The following GALNT11 variants were observed in gnomAD, a reference collection of about 807,000 sequenced individuals.
GALNT11 encodes UDP-GalNAc:polypeptide N-acetylgalactosaminyltransferase 11.
GALNT11 carries 47 observed loss-of-function variants against 72.7 expected under a neutral mutation model. The ratio of observed to expected loss-of-function variants is 0.65; its 90% CI spans 0.51 to 0.82. GALNT11 has a LOEUF of 0.82. Among genes scored for constraint, GALNT11 ranks in the 40% least tolerant of loss-of-function variants. GALNT11 has a pLI of 0.00. For synonymous variants in GALNT11, 270 were observed against 286.6 expected (o/e 0.94, Z 0.58); for missense variants, 677 against 778.4 (o/e 0.87, Z 1.55).
intron 1 of GALNT11, among the ~76,000 whole-genome samples, chr7:152,058,463 A>G (rs2083815765): frequency 6.6e-6 from 1 of 151,978 alleles, no homozygotes. Flanking sequence ...CCTCCCGAGT[A>G]GCTGGGACTA....
chr7:152,083,414 A>T (rs1210913257), intron 1 of GALNT11, among the ~76,000 whole-genome samples: 1 of 152,066 alleles, frequency 6.6e-6, no homozygotes, highest in Non-Finnish European at 1.5e-5. Flanking sequence ...AAAGTCATTC[A>T]TTTCCTCTCA....
At chr7:152,042,330 G>C (rs1028965281) in intron 1 of GALNT11, among the ~76,000 whole-genome samples, 1 of 151,268 alleles carries the variant, frequency 6.6e-6, no homozygotes, top group African/African-American at 2.5e-5. Flanking sequence ...TGAATTAATG[G>C]CTCTTAAGTC....
At chr7:152,056,016 G>A (rs767560231) in intron 1 of GALNT11, among the ~76,000 whole-genome samples, 11 of 150,974 alleles carry the variant, frequency 7.3e-5, no homozygotes, top group African/African-American at 2.4e-4. Flanking sequence ...TCCTCAGTTC[G>A]TGGCAATCAC....
At chr7:152,050,995 G>A (rs936779454) in intron 1 of GALNT11, among the ~76,000 whole-genome samples, 3 of 152,116 alleles carry the variant, frequency 2.0e-5, no homozygotes, top group African/African-American at 7.2e-5. Flanking sequence ...ATGGGAGAGG[G>A]GTGGTGTCAG....
At chr7:152,116,665 T>G (rs946024732) in intron 8 of GALNT11, among the ~76,000 whole-genome samples, 3 of 152,204 alleles carry the variant, frequency 2.0e-5, no homozygotes, top group Admixed American at 1.3e-4. Flanking sequence ...ATATATAGGT[T>G]GTAATTTTAA....
chr7:152,078,237 CAG>C (rs2085101756), intron 1 of GALNT11, among the ~76,000 whole-genome samples: 1 of 152,086 alleles, frequency 6.6e-6, no homozygotes, highest in Non-Finnish European at 1.5e-5. Context: ...TTTTTTTAGA[CAG>C]AGTTTCACTC....
chr7:152,084,380 TAAA>T (rs11447244), intron 1 of GALNT11, among the ~76,000 whole-genome samples: 83 of 105,330 alleles, frequency 7.9e-4, no homozygotes, highest in African/African-American at 3.0e-3. Context: ...CCTGTCTCTT[TAAA>T]AAAAAAAAAA....
rs2088957366 is a variant in GALNT11 at position 152,117,299 on chromosome 7, G to C, written c.1376G>C (p.Gly459Ala). The change falls in exon 9 of 12, where the codon GGG becomes GCG. Residue 459 changes from glycine to alanine, a missense_variant. Coordinates refer to ENST00000430044, the MANE Select transcript of GALNT11 (RefSeq NM_022087.4). ...GTATACCCAGAGATGCAGATATCTG[G>C]GTCCCACGCCAAACCCCAACAACCC... ...DNVYPEMQIS[G>A]SHAKPQQPIF... 2 of 1,614,108 alleles carry C rather than the reference G, an allele frequency of 1.2e-6. No homozygotes were observed. The highest frequency in any genetic ancestry group is 1.7e-6 in the Non-Finnish European group (2 of 1,180,022).
intron 1 of GALNT11, among the ~76,000 whole-genome samples, chr7:152,066,856 G>A (rs1020079785): frequency 1.3e-5 from 2 of 152,160 alleles, no homozygotes; most frequent in Non-Finnish European, 2.9e-5. Flanking sequence ...TAACATCAAA[G>A]ATCATCGACA....
chr7:152,083,182 TGTA>T (rs1487941536), intron 1 of GALNT11, among the ~76,000 whole-genome samples: 2 of 152,228 alleles, frequency 1.3e-5, no homozygotes, highest in African/African-American at 4.8e-5. Context: ...TTTGTCTTTA[TGTA>T]ATCCAGTTTC....
At chr7:152,121,232 A>G (rs1442831094) in intron 11 of GALNT11, among the ~76,000 whole-genome samples, 1 of 152,210 alleles carries the variant, frequency 6.6e-6, no homozygotes, top group Non-Finnish European at 1.5e-5. Flanking sequence ...AGAACAGCAT[A>G]CTGTGGTTGC....
Position 152,113,416 on chromosome 7 carries a change from G to A in GALNT11, c.1233+18G>A. 1 of 1,612,146 alleles carries A rather than the reference G, an allele frequency of 6.2e-7. No homozygotes were observed. Among genetic ancestry groups the A allele is most frequent in the Admixed American group, 1.7e-5 (1 of 59,764 alleles). ...AATACAAGGTGAGATGAAATTTCTT[G>A]TTTAGAAGGATGAATGATAGGCCGG... is the stretch of plus-strand genomic sequence containing the variant. On this transcript the variant is annotated intron_variant, in intron 8 of 11. Coordinates refer to ENST00000430044, the MANE Select transcript of GALNT11 (RefSeq NM_022087.4).
chr7:152,120,972 A>C lies in GALNT11; in HGVS notation c.1695+4A>C, dbSNP rs752755054. On this transcript the variant is annotated splice_donor_region_variant and intron_variant, in intron 11 of 11. Coordinates refer to ENST00000430044, the MANE Select transcript of GALNT11 (RefSeq NM_022087.4). The stretch of plus-strand genomic sequence containing the variant: ...ATCCCAGCAGTGGACCTTTGGGGTG[A>C]GGAGTGCTCGGTGATGTTGGGAGAA... 1.9e-6 allele frequency: 3 copies of C among 1,612,168 alleles called. No homozygotes were observed. The African/African-American group carries it at 4.0e-5, about 22-fold the overall frequency.
chr7:152,121,028 A>G lies in GALNT11; in HGVS notation c.1695+60A>G, dbSNP rs11505634. On this transcript the variant is annotated intron_variant, in intron 11 of 11. Transcript: ENST00000430044. ...AGAGGCCCACAAGGTTGAGTGAGGG[A>G]GTGTGGCAGATGAACTCATTTTCTA... 10,780 of 1,567,156 alleles carry G rather than the reference A, an allele frequency of 6.9e-3. 638 individuals carry two copies. The African/African-American group carries it at 0.13, about 18-fold the overall frequency.
At position 152,121,879 on chromosome 7, in the gene GALNT11, A is replaced by C. The variant is rs142022759; in HGVS notation, c.*202A>C. The C allele has an allele frequency of 2.2e-5, 12 of 553,442 alleles. No individual in the cohort carries two copies. The highest frequency in any genetic ancestry group is 9.6e-4 in the Middle Eastern group (2 of 2,084). The allele number at this position is 553,442 out of a possible 1,614,324, so 34.3% of individuals were successfully genotyped here. A position where few individuals can be genotyped will look rare whatever the true frequency, so the allele number is the denominator to read the frequency against. ...GGGAGCTCTGAGTGTCCACGGGTGA[A>C]GAAGTGAGTGTCCACGGGTGAAGAA... On this transcript the variant is annotated 3_prime_UTR_variant, in exon 12 of 12. Coordinates refer to ENST00000430044, the MANE Select transcript of GALNT11 (RefSeq NM_022087.4).
intron 1 of GALNT11, among the ~76,000 whole-genome samples, chr7:152,081,323 G>T (rs1344120846): frequency 6.6e-6 from 1 of 152,114 alleles, no homozygotes; most frequent in Non-Finnish European, 1.5e-5. Context: ...ACTACAAAAA[G>T]CATTTCAAAA....
chr7:152,038,932 C>T (rs184887384), intron 1 of GALNT11, among the ~76,000 whole-genome samples: 104 of 152,230 alleles, frequency 6.8e-4, no homozygotes, highest in African/African-American at 2.4e-3. Context: ...CTTCTAGATG[C>T]TTTTTTATTC....
At chr7:152,028,358 G>T (rs1337931459) in intron 1 of GALNT11, among the ~76,000 whole-genome samples, 1 of 152,120 alleles carries the variant, frequency 6.6e-6, no homozygotes, top group Non-Finnish European at 1.5e-5. Context: ...AGTGCTGATT[G>T]GTGCGTTTAC....
intron 1 of GALNT11, among the ~76,000 whole-genome samples, chr7:152,028,991 A>G (rs2151976819): frequency 6.6e-6 from 1 of 152,330 alleles, no homozygotes; most frequent in Non-Finnish European, 1.5e-5. Context: ...TGGCTGCCAC[A>G]GGACCTAGAA....
Sources: gnomAD v4.1 joint callset for allele counts (sites outside exome capture counted in the v4.1 genomes callset) on GRCh38, gnomAD v4.1.1 for gene constraint, MANE v1.5 for transcripts, NCBI Gene and HGNC (gene_info 2026-07-23, HGNC 2026-07-21) for gene names.